The following INCENP variants were observed in gnomAD, a reference collection of about 807,000 sequenced individuals.
INCENP encodes inner centromere protein.
In INCENP, 43 loss-of-function variants were observed where a neutral mutation model predicts 107.3. The ratio of observed to expected loss-of-function variants is 0.40; its 90% CI spans 0.31 to 0.52. The LOEUF (loss-of-function observed/expected upper bound fraction) is 0.52, where lower values mean the gene tolerates loss of function less well. INCENP is among the 20% of genes least tolerant of loss of function. The pLI is 0.53. For missense variants in INCENP, 1,089 were observed against 1,250.9 expected (o/e 0.87, Z 1.95); for synonymous variants, 488 against 494.4 (o/e 0.99, Z 0.17).
intron 1 of INCENP, among the ~76,000 whole-genome samples, chr11:62,127,123 A>G (rs1943769087): frequency 6.7e-6 from 1 of 148,752 alleles, no homozygotes; most frequent in Non-Finnish European, 1.5e-5. Flanking sequence ...TGCAACCTCC[A>G]CTTCCTTAGT....
intron 3 of INCENP, 81 bp from the exon 4 acceptor site, chr11:62,129,701 C>T: frequency 8.5e-7 from 1 of 1,177,126 alleles, no homozygotes; most frequent in Middle Eastern, 2.4e-4. Flanking sequence ...CATACTCTAT[C>T]CAAGCTGGTG....
intron 11 of INCENP, 22 bp downstream of exon 11, chr11:62,141,533 CG>C: frequency 6.2e-7 from 1 of 1,613,982 alleles, no homozygotes; most frequent in Non-Finnish European, 8.5e-7. Flanking sequence ...CTTTTCCTGT[CG>C]GTAACCTCGC....
chr11:62,132,057 G>T (rs181196251), intron 4 of INCENP, among the ~76,000 whole-genome samples: 1 of 152,182 alleles, frequency 6.6e-6, no homozygotes, highest in Non-Finnish European at 1.5e-5. Flanking sequence ...CCAAAGTGCC[G>T]GGATTACAAG....
chr11:62,131,517 C>A (rs1413351535), intron 4 of INCENP, among the ~76,000 whole-genome samples: 2 of 151,970 alleles, frequency 1.3e-5, no homozygotes, highest in East Asian at 3.9e-4. Flanking sequence ...TGCGCTTTTG[C>A]TGAGTGGAAA....
chr11:62,139,040 G>A, intron 7 of INCENP, 35 bp downstream of exon 7: 2 of 1,484,358 alleles, frequency 1.3e-6, no homozygotes, highest in Non-Finnish European at 1.9e-6. Flanking sequence ...GCAGTGCCCG[G>A]AGCCACAGCG....
chr11:62,137,079 C>T (rs111569795), intron 4 of INCENP, among the ~76,000 whole-genome samples: 6,766 of 152,142 alleles, frequency 0.044, 463 homozygotes, highest in African/African-American at 0.15. Context: ...CTGGACCAGG[C>T]GCAGTGGCTC....
At chr11:62,144,161 A>G (rs965086235) in intron 11 of INCENP, among the ~76,000 whole-genome samples, 5 of 151,998 alleles carry the variant, frequency 3.3e-5, no homozygotes, top group African/African-American at 1.2e-4. Context: ...GTGAAACCCC[A>G]CCTCTACTAG....
intron 11 of INCENP, 144 bp from the exon 12 acceptor site, chr11:62,144,838 C>T (rs747576776): frequency 8.6e-6 from 7 of 812,352 alleles, no homozygotes; most frequent in South Asian, 1.3e-5. Context: ...GTTGGGGCCA[C>T]GTTGGGGATA....
intron 18 of INCENP, 81 bp downstream of exon 18, chr11:62,150,288 C>A: frequency 6.8e-7 from 1 of 1,478,712 alleles, no homozygotes; most frequent in Non-Finnish European, 9.3e-7. Flanking sequence ...AGTGGGTTGG[C>A]TGCTGCGGTG....
chr11:62,125,441 C>T (rs1943727984), intron 1 of INCENP, among the ~76,000 whole-genome samples: 1 of 152,222 alleles, frequency 6.6e-6, no homozygotes, highest in Admixed American at 6.5e-5. Context: ...TGAGGTCCTG[C>T]GCTTTGCCAG....
chr11:62,130,466 G>A lies in INCENP; in HGVS notation c.939G>A (p.Pro313=), dbSNP rs139799131. The change falls in exon 4 of 19, where the codon CCG becomes CCA. Residue 313 remains proline (P), a synonymous_variant. Transcript: ENST00000394818. The part of the protein sequence containing the change: ...VRHSPIAPSS[P]SPQVLAQKYS... ...ACAGCCCGATCGCCCCGTCTTCCCCGAGTCCCCAAGTCTTAGCCCAGAAGT... is the reference window on the plus strand; with the variant it reads ...ACAGCCCGATCGCCCCGTCTTCCCCAAGTCCCCAAGTCTTAGCCCAGAAGT... The A allele has an allele frequency of 2.0e-5, 33 of 1,613,914 alleles. No individual in the cohort carries two copies. The highest frequency in any genetic ancestry group is 4.4e-5 in the South Asian group (4 of 91,084).
At chr11:62,125,304 A>G (rs1416986091) in intron 1 of INCENP, among the ~76,000 whole-genome samples, 2 of 152,244 alleles carry the variant, frequency 1.3e-5, no homozygotes, top group African/African-American at 4.8e-5. Context: ...AATTGCTTTC[A>G]TGGACTTTGT....
intron 15 of INCENP, 111 bp downstream of exon 15, chr11:62,147,013 C>T: frequency 6.6e-7 from 1 of 1,503,952 alleles, no homozygotes; most frequent in Non-Finnish European, 8.9e-7. Flanking sequence ...CAGGTGCTTT[C>T]CTTGGCACCA....
At chr11:62,149,318 T>C (rs1444933160) in intron 17 of INCENP, among the ~76,000 whole-genome samples, 1 of 152,302 alleles carries the variant, frequency 6.6e-6, no homozygotes, top group East Asian at 1.9e-4. Context: ...GGTCAATTTC[T>C]TAGTTTTGAT....
intron 4 of INCENP, among the ~76,000 whole-genome samples, chr11:62,136,340 C>A (rs919119846): frequency 6.6e-6 from 1 of 152,164 alleles, no homozygotes; most frequent in African/African-American, 2.4e-5. Flanking sequence ...CTTCCCACCT[C>A]AGCACACAGA....
chr11:62,125,785 C>G (rs1393762201), intron 1 of INCENP, among the ~76,000 whole-genome samples: 3 of 152,202 alleles, frequency 2.0e-5, no homozygotes, highest in Admixed American at 1.3e-4. Flanking sequence ...CTGCTGTGCT[C>G]TGGGCATTCA....
In INCENP at chr11:62,130,243, C is replaced by T. The variant is rs762580001; in HGVS notation, c.716C>T (p.Thr239Ile). ...ESITVSSLMA[T>I]PQDPKGQGVG... is the part of the protein sequence containing the mutation. ...ATCACAGTGAGCTCCCTGATGGCTA[C>T]ACCCCAGGACCCCAAGGGTCAAGGG... The change falls in exon 4 of 19, where the codon ACA becomes ATA. Residue 239 changes from threonine (T) to isoleucine (I), a missense_variant. Thr to Ile is a moderately conservative substitution (Grantham distance 89). Transcript: ENST00000394818. The T allele has an allele frequency of 2.5e-5, 41 of 1,613,558 alleles. No homozygotes were observed. The Middle Eastern group carries it at 6.6e-4, about 26-fold the overall frequency.
chr11:62,128,396 G>A, intron 2 of INCENP, 95 bp downstream of exon 2: 1 of 1,402,268 alleles, frequency 7.1e-7, no homozygotes, highest in Non-Finnish European at 9.9e-7. Flanking sequence ...CCGCCTACCT[G>A]GCAAAACAGA....
chr11:62,150,986 T>C (rs1190840896), intron 18 of INCENP, among the ~76,000 whole-genome samples: 1 of 152,206 alleles, frequency 6.6e-6, no homozygotes, highest in East Asian at 1.9e-4. Context: ...CTACAGTAAC[T>C]GGCATGTGCT....
Sources: allele counts gnomAD v4.1 joint callset (sites outside exome capture counted in the v4.1 genomes callset), GRCh38; gene constraint gnomAD v4.1.1; transcripts MANE v1.5; gene names NCBI Gene and HGNC (gene_info 2026-07-23, HGNC 2026-07-21).